The following ST13 variants were observed in gnomAD, a reference collection of about 807,000 sequenced individuals.
The protein encoded by ST13 is ST13 Hsp70 interacting protein, also known as hsc70-interacting protein.
A neutral mutation model predicts 56.7 loss-of-function variants in ST13; 23 were observed. The observed-to-expected ratio is 0.41, with a 90% confidence interval of 0.29 to 0.57. ST13 has a LOEUF of 0.57. ST13 is among the 20% of genes least tolerant of loss of function. The probability of loss-of-function intolerance (pLI) is 0.36; values close to 1 mark genes in which losing one functional copy is unlikely to be tolerated. For synonymous variants in ST13, 132 were observed against 142.4 expected, an observed-to-expected ratio of 0.93 and a Z score of 0.52; for missense variants, 369 against 459.9, an observed-to-expected ratio of 0.80 and a Z score of 1.81.
intron 10 of ST13, 115 bp downstream of exon 10, chr22:40,829,511 T>C: frequency 2.2e-6 from 1 of 459,028 alleles, no homozygotes; most frequent in Non-Finnish European, 3.6e-6. Context: ...TCTTCATGAA[T>C]ATCACTGTAT....
chr22:40,828,788 AG>A (rs938888182), intron 10 of ST13, among the ~76,000 whole-genome samples: 6 of 152,188 alleles, frequency 3.9e-5, no homozygotes, highest in Admixed American at 2.6e-4. Context: ...AAGAAATCTA[AG>A]GGGACCATAA....
intron 8 of ST13, chr22:40,832,131 G>A: frequency 2.1e-6 from 1 of 466,912 alleles, no homozygotes; most frequent in Non-Finnish European, 4.4e-6. Context: ...TGGGATTACA[G>A]GCATGAGCCA....
intron 8 of ST13, among the ~76,000 whole-genome samples, chr22:40,831,237 T>C (rs1445368929): frequency 2.6e-5 from 4 of 152,218 alleles, no homozygotes; most frequent in South Asian, 2.1e-4. Flanking sequence ...TCTAAGTGCA[T>C]GACAATTCTT....
At chr22:40,843,378 C>CTA (rs933472939) in intron 4 of ST13, among the ~76,000 whole-genome samples, 3 of 152,002 alleles carry the variant, frequency 2.0e-5, no homozygotes, top group African/African-American at 7.3e-5. Context: ...AGCCAAAAGA[C>CTA]TAAAAAGTTT....
chr22:40,840,388 GA>G (rs1382368653), intron 5 of ST13, among the ~76,000 whole-genome samples: 1 of 149,068 alleles, frequency 6.7e-6, no homozygotes, highest in Non-Finnish European at 1.5e-5. Context: ...CTTCTCAGCA[GA>G]AAAACACCAC....
intron 7 of ST13, 63 bp from the exon 8 acceptor site, chr22:40,832,734 T>C: frequency 8.1e-7 from 1 of 1,228,290 alleles, no homozygotes; most frequent in Non-Finnish European, 1.2e-6. Context: ...TGGCATGATA[T>C]CTTTCTTCCT....
chr22:40,834,067 A>T (rs2057766312), intron 7 of ST13, among the ~76,000 whole-genome samples: 1 of 152,284 alleles, frequency 6.6e-6, no homozygotes, highest in South Asian at 2.1e-4. Context: ...ACTTGAGGCC[A>T]GGAGTTTGAG....
chr22:40,832,570 C>T lies in ST13; in HGVS notation c.680G>A (p.Arg227Lys). Residue 227 changes from arginine (R) to lysine (K), a missense_variant and splice_region_variant, in exon 8 of 12, where the codon AGG becomes AAG. Physicochemically the swap from Arg to Lys is conservative, Grantham distance 26 (BLOSUM62 2). Coordinates refer to ENST00000216218, the MANE Select transcript of ST13 (RefSeq NM_003932.5). ...ASAMLKEVQP[R>K]AQKIAEHRRK... ...TTCCCTTTCTCTACTTTGACATACC[C>T]TAGGTTGAACTTCTTTCAGCATTGC... 1 of 1,607,144 alleles carries T rather than the reference C, an allele frequency of 6.2e-7. No individual in the cohort carries two copies.
Position 40,826,010 on chromosome 22 carries a change from G to C in ST13, c.*528C>G, listed in dbSNP as rs999277137. The stretch of plus-strand genomic sequence containing the variant: ...CCCTACCCAGGTCCTACTGAAATAC[G>C]GGTGGTCCCAATTAGTTTTATTGAA... On this transcript the variant is annotated 3_prime_UTR_variant, in exon 12 of 12. Transcript: ENST00000216218. 6.6e-6 allele frequency: 1 copy of C among 152,636 alleles called. No homozygotes were observed. Among genetic ancestry groups the C allele is most frequent in the Non-Finnish European group, 1.5e-5 (1 of 68,106 alleles). 9.5% of individuals were successfully genotyped at this position (152,636 alleles called of 1,614,324 possible). A position where few individuals can be genotyped will look rare whatever the true frequency, so the allele number is the denominator to read the frequency against.
At chr22:40,848,932 T>C (rs1002202984) in intron 2 of ST13, among the ~76,000 whole-genome samples, 2 of 152,092 alleles carry the variant, frequency 1.3e-5, no homozygotes, top group Non-Finnish European at 2.9e-5. Flanking sequence ...ACAATGAAAA[T>C]TCAAAGAATT....
intron 1 of ST13, among the ~76,000 whole-genome samples, chr22:40,853,454 C>A (rs747727437): frequency 3.3e-5 from 5 of 152,124 alleles, no homozygotes; most frequent in Non-Finnish European, 5.9e-5. Flanking sequence ...CTCATAGGTA[C>A]GAAATTTCAA....
chr22:40,844,278 CA>C (rs1379011924), intron 4 of ST13, among the ~76,000 whole-genome samples: 2 of 152,054 alleles, frequency 1.3e-5, no homozygotes, highest in African/African-American at 4.8e-5. Flanking sequence ...GGATAAAAAC[CA>C]ATCTTTTAAA....
At chr22:40,850,961 A>G in intron 1 of ST13, 81 bp from the exon 2 acceptor site, 1 of 973,968 alleles carries the variant, frequency 1.0e-6, no homozygotes, top group Non-Finnish European at 1.5e-6. Flanking sequence ...CTAAAAAATA[A>G]CGTTAGACAT....
chr22:40,832,472 T>C, intron 8 of ST13, 97 bp downstream of exon 8: 1 of 859,662 alleles, frequency 1.2e-6, no homozygotes, highest in South Asian at 1.5e-5. Flanking sequence ...GTTTGTTTCT[T>C]TGCCTGTTTT....
At chr22:40,833,896 T>C (rs2057765600) in intron 7 of ST13, among the ~76,000 whole-genome samples, 1 of 151,920 alleles carries the variant, frequency 6.6e-6, no homozygotes, top group South Asian at 2.1e-4. Flanking sequence ...ACACTGTGTA[T>C]TGCATTAACA....
chr22:40,829,480 C>T (rs2057743999), intron 10 of ST13, 146 bp downstream of exon 10: 1 of 393,242 alleles, frequency 2.5e-6, no homozygotes, highest in Non-Finnish European at 4.5e-6. Context: ...CTAATAATTC[C>T]ATCATTTCTT....
intron 1 of ST13, among the ~76,000 whole-genome samples, chr22:40,855,316 G>A (rs994673972): frequency 1.6e-4 from 24 of 152,158 alleles, no homozygotes; most frequent in Non-Finnish European, 4.4e-5. Flanking sequence ...AAGTATGGTG[G>A]CTCGATCCCG....
chr22:40,849,991 A>G (rs1689808601), intron 2 of ST13, among the ~76,000 whole-genome samples: 1 of 151,832 alleles, frequency 6.6e-6, no homozygotes. Context: ...TGGGCCAGGC[A>G]TGGTGGCTCA....
At chr22:40,848,499 C>T in intron 2 of ST13, 130 bp from the exon 3 acceptor site, 1 of 682,208 alleles carries the variant, frequency 1.5e-6, no homozygotes, top group Admixed American at 2.2e-5. Context: ...GGAATTCCAG[C>T]ACTTTGGGAG....
Sources: allele counts gnomAD v4.1 joint callset (sites outside exome capture counted in the v4.1 genomes callset), GRCh38; gene constraint gnomAD v4.1.1; transcripts MANE v1.5; gene names NCBI Gene and HGNC (gene_info 2026-07-23, HGNC 2026-07-21).